The following RBFOX1 variants were observed in gnomAD, a reference collection of about 807,000 sequenced individuals.
RBFOX1 encodes the protein RNA binding protein fox-1 homolog 1.
A neutral mutation model predicts 57.7 loss-of-function variants in RBFOX1; 8 were observed. The observed-to-expected ratio is 0.14, with a 90% CI of 0.08 to 0.25. The LOEUF is 0.25. Among genes scored for constraint, RBFOX1 ranks in the 10% least tolerant of loss-of-function variants. The probability of loss-of-function intolerance (pLI) is 1.00; values close to 1 mark genes in which losing one functional copy is unlikely to be tolerated. For synonymous variants in RBFOX1, 326 were observed against 222.4 expected (o/e 1.47, Z -4.15); for missense variants, 611 against 548.5 (o/e 1.11, Z -1.14).
chr16:6,301,240 T>C (rs1274079560), intron 1 of RBFOX1, among the ~76,000 whole-genome samples: 1 of 152,222 alleles, frequency 6.6e-6, no homozygotes, highest in African/African-American at 2.4e-5. Context: ...AATAATTCAG[T>C]ATTTCATATA....
chr16:6,511,766 C>G (rs2096259672), intron 2 of RBFOX1, among the ~76,000 whole-genome samples: 1 of 152,096 alleles, frequency 6.6e-6, no homozygotes, highest in African/African-American at 2.4e-5. Context: ...AAGACATTGT[C>G]CAGAAGAGAT....
At chr16:7,112,599 A>G (rs1008914251) in intron 4 of RBFOX1, among the ~76,000 whole-genome samples, 1 of 152,046 alleles carries the variant, frequency 6.6e-6, no homozygotes. Context: ...CTGTTTATGG[A>G]AAATAAATAA....
chr16:5,708,547 A>C (rs1458783277), intron 3 of RBFOX1, among the ~76,000 whole-genome samples: 1 of 152,190 alleles, frequency 6.6e-6, no homozygotes, highest in Admixed American at 6.5e-5. Context: ...CATTTTTATG[A>C]AAACAGAATC....
chr16:7,332,953 C>G lies in RBFOX1; in HGVS notation c.28-185194C>G, dbSNP rs370481152. 9 of 1,612,250 alleles carry G rather than the reference C, an allele frequency of 5.6e-6. No individual in the cohort carries two copies. The African/African-American group carries it at 1.1e-4, about 19-fold the overall frequency. Reference sequence around the variant, plus strand: ...TGGGTCTATAGATTTCCCCCTAACTCTCCATTGATGTGTTGAGCTTCAGAG... The same window carrying G: ...TGGGTCTATAGATTTCCCCCTAACTGTCCATTGATGTGTTGAGCTTCAGAG... On this transcript the variant is annotated intron_variant, in intron 4 of 15. Transcript: ENST00000550418.
At chr16:6,649,841 GTATAT>G (rs1412651570) in intron 2 of RBFOX1, among the ~76,000 whole-genome samples, 1 of 152,054 alleles carries the variant, frequency 6.6e-6, no homozygotes, top group Non-Finnish European at 1.5e-5. Context: ...TATATGTATA[GTATAT>G]TATATATTGT....
intron 4 of RBFOX1, among the ~76,000 whole-genome samples, chr16:7,110,085 C>A (rs1048351490): frequency 1.3e-5 from 2 of 151,160 alleles, no homozygotes; most frequent in Non-Finnish European, 2.9e-5. Context: ...TGTGGTGGCT[C>A]AGGCATGTAT....
chr16:5,953,761 AC>A (rs1367971090), intron 4 of RBFOX1, among the ~76,000 whole-genome samples: 5 of 151,624 alleles, frequency 3.3e-5, no homozygotes, highest in Admixed American at 6.6e-5. Context: ...TGATTGATGG[AC>A]ATTTGAGTTG....
intron 3 of RBFOX1, among the ~76,000 whole-genome samples, chr16:6,925,576 C>G (rs979908022): frequency 3.3e-5 from 5 of 151,692 alleles, no homozygotes; most frequent in African/African-American, 9.7e-5. Context: ...AGCATTAAGA[C>G]TAGTTGGTGG....
At chr16:7,283,019 G>C (rs185107382) in intron 4 of RBFOX1, among the ~76,000 whole-genome samples, 1 of 152,128 alleles carries the variant, frequency 6.6e-6, no homozygotes, top group Admixed American at 6.5e-5. Flanking sequence ...GGATGGGTTG[G>C]TTCCACATTT....
chr16:5,909,599 T>C (rs1288280047), intron 4 of RBFOX1, among the ~76,000 whole-genome samples: 2 of 152,132 alleles, frequency 1.3e-5, no homozygotes, highest in Non-Finnish European at 2.9e-5. Context: ...TGAGTATAAG[T>C]GAAGCCACTG....
Position 6,025,055 on chromosome 16 carries a change from G to A in RBFOX1, c.-127+5063G>A, listed in dbSNP as rs115018640. 7.0e-3 allele frequency among the ~76,000 whole-genome samples: 1,060 copies of A among 152,304 alleles called. 20 individuals carry two copies. The highest frequency in any genetic ancestry group is 0.024 in the African/African-American group (983 of 41,568). On this transcript the variant is annotated intron_variant, in intron 1 of 15. Transcript: ENST00000550418. ...TGTGGCCTGGGAAGGGACCCTGGCT[G>A]TTATTCTAATGGGAAACCATTGGGG...
intron 14 of RBFOX1, chr16:7,693,283 A>G: frequency 1.2e-6 from 2 of 1,603,110 alleles, no homozygotes; most frequent in South Asian, 1.1e-5. Context: ...CCCCTGAGCG[A>G]GCAGTATTGT....
At chr16:7,165,585 A>T (rs2079308739) in intron 4 of RBFOX1, among the ~76,000 whole-genome samples, 1 of 151,458 alleles carries the variant, frequency 6.6e-6, no homozygotes, top group Admixed American at 6.6e-5. Flanking sequence ...ATGCACCACC[A>T]CGCCCGGCTA....
intron 4 of RBFOX1, among the ~76,000 whole-genome samples, chr16:7,447,640 C>G (rs976253874): frequency 6.6e-6 from 1 of 152,160 alleles, no homozygotes; most frequent in African/African-American, 2.4e-5. Flanking sequence ...AGCTGTATCC[C>G]AAACTTTTCC....
intron 4 of RBFOX1, among the ~76,000 whole-genome samples, chr16:5,926,269 A>G (rs1166528173): frequency 5.9e-5 from 9 of 152,220 alleles, no homozygotes; most frequent in Admixed American, 5.9e-4. Context: ...TCCTGCCTGC[A>G]TTCAGGAACG....
chr16:5,430,452 G>C (rs1207029858), intron 1 of RBFOX1, among the ~76,000 whole-genome samples: 2 of 152,204 alleles, frequency 1.3e-5, no homozygotes, highest in Non-Finnish European at 1.5e-5. Context: ...TGATATGAGA[G>C]AGCTGGGGCT....
chr16:6,678,581 A>C (rs111638556), intron 3 of RBFOX1, among the ~76,000 whole-genome samples: 17 of 151,234 alleles, frequency 1.1e-4, no homozygotes, highest in African/African-American at 4.1e-4. Flanking sequence ...GTGATAACAC[A>C]AGTGTTTCTA....
intron 3 of RBFOX1, among the ~76,000 whole-genome samples, chr16:5,721,866 G>A (rs1045702440): frequency 1.2e-4 from 18 of 152,138 alleles, no homozygotes; most frequent in Admixed American, 7.9e-4. Context: ...CCCAGACAGA[G>A]GACCAAGCAC....
chr16:6,942,636 C>T (rs2078753056), intron 3 of RBFOX1, among the ~76,000 whole-genome samples: 1 of 152,080 alleles, frequency 6.6e-6, no homozygotes, highest in Admixed American at 6.6e-5. Flanking sequence ...CGGTGCTAGG[C>T]AGAGTTGAGT....
Sources: gnomAD v4.1 joint callset for allele counts (sites outside exome capture counted in the v4.1 genomes callset) on GRCh38, gnomAD v4.1.1 for gene constraint, MANE v1.5 for transcripts, NCBI Gene and HGNC (gene_info 2026-07-23, HGNC 2026-07-21) for gene names.